The following SEPTIN10 variants were observed in gnomAD, a reference collection of about 807,000 sequenced individuals.
SEPTIN10 encodes the protein septin 10.
A neutral mutation model predicts 54.8 loss-of-function variants in SEPTIN10; 66 were observed. That is an observed-to-expected ratio of 1.21 (90% CI 0.99 to 1.48). The LOEUF (loss-of-function observed/expected upper bound fraction) is 1.48. Among genes scored for constraint, SEPTIN10 ranks in the 40% most tolerant of loss-of-function variants. The probability of loss-of-function intolerance (pLI) is 0.00; values close to 1 mark genes in which losing one functional copy is unlikely to be tolerated. For missense variants in SEPTIN10, 620 were observed against 545.6 expected (o/e 1.14, Z -1.36); for synonymous variants, 161 against 181.0 (o/e 0.89, Z 0.89).
rs1400941515 is a variant in SEPTIN10, at chr2:109,599,185, C to T, written c.31-6066G>A. ...AAAGAACTCAAGTGGAGGCCGGGCGCGGTGGCTCACACCTGTAACCCCAGC... is the reference window on the plus strand; with the variant it reads ...AAAGAACTCAAGTGGAGGCCGGGCGTGGTGGCTCACACCTGTAACCCCAGC... On this transcript the variant is annotated intron_variant, in intron 1 of 10. Coordinates refer to ENST00000397712, the MANE Select transcript of SEPTIN10 (RefSeq NM_144710.5). 5.9e-5 allele frequency among the ~76,000 whole-genome samples: 9 copies of T among 152,030 alleles called. No homozygotes were observed. In the South Asian group the frequency reaches 1.9e-3, roughly 32 times the overall value.
chr2:109,606,922 G>C (rs750595536), intron 1 of SEPTIN10, among the ~76,000 whole-genome samples: 2 of 151,988 alleles, frequency 1.3e-5, no homozygotes, highest in African/African-American at 2.4e-5. Context: ...AAAGTGCTGG[G>C]ATTACAGGCA....
chr2:109,593,284 C>CCAG (rs774076665), intron 1 of SEPTIN10, among the ~76,000 whole-genome samples, 165 bp from the exon 2 acceptor site: 11 of 152,104 alleles, frequency 7.2e-5, no homozygotes, highest in Non-Finnish European at 1.6e-4. Flanking sequence ...TTGTGGCTTT[C>CCAG]TTGCTGGATA....
rs777911857 is a variant in SEPTIN10 at position 109,564,549 on chromosome 2, A to G, written c.860-15T>C. ...TTCATTTTCCACTAGCCAAAAAAAAATAAGAAAAGAACAACACTGGATTTT... is the reference window on the plus strand; with the variant it reads ...TTCATTTTCCACTAGCCAAAAAAAAGTAAGAAAAGAACAACACTGGATTTT... On this transcript the variant is annotated splice_polypyrimidine_tract_variant and intron_variant, in intron 7 of 10. Coordinates refer to ENST00000397712, the MANE Select transcript of SEPTIN10 (RefSeq NM_144710.5). 5 of 1,479,088 alleles carry G rather than the reference A, an allele frequency of 3.4e-6. No homozygotes were observed. The highest frequency in any genetic ancestry group is 3.0e-5 in the South Asian group (2 of 66,284). The allele number at this position is 1,479,088 out of a possible 1,614,324, so 91.6% of individuals were successfully genotyped here.
intron 1 of SEPTIN10, among the ~76,000 whole-genome samples, chr2:109,612,800 GAA>G (rs1221073087): frequency 2.6e-5 from 4 of 152,254 alleles, no homozygotes; most frequent in Middle Eastern, 3.4e-3. Context: ...GCGATAGAAT[GAA>G]AAGAGACCTG....
At chr2:109,573,874 C>G (rs1249590480) in intron 5 of SEPTIN10, among the ~76,000 whole-genome samples, 1 of 152,026 alleles carries the variant, frequency 6.6e-6, no homozygotes, top group Non-Finnish European at 1.5e-5. Context: ...TCAGTATGGT[C>G]CAAATTAAAA....
Position 109,544,301 on chromosome 2 carries a change from CTTCTG to C in SEPTIN10, c.*3_*7del, listed in dbSNP as rs1162546546. The C allele has an allele frequency of 2.5e-6, 4 of 1,595,146 alleles. No homozygotes were observed. Among genetic ancestry groups the C allele is most frequent in the Non-Finnish European group, 3.4e-6 (4 of 1,174,992 alleles). The stretch of plus-strand genomic sequence containing the variant: ...GATGATGACCTTCTGTGCTCTGGAA[CTTCTG>C]TTTTACAAAAAATTGGAGCTGGAAA... On this transcript the variant is annotated 3_prime_UTR_variant, in exon 11 of 11. Transcript: ENST00000397712.
intron 1 of SEPTIN10, among the ~76,000 whole-genome samples, chr2:109,601,638 T>C (rs995696545): frequency 5.9e-5 from 9 of 152,188 alleles, no homozygotes; most frequent in African/African-American, 2.2e-4. Flanking sequence ...GTCATGTGTA[T>C]CATAAATATC....
chr2:109,547,368 T>TG, intron 9 of SEPTIN10, among the ~76,000 whole-genome samples: 1 of 138,120 alleles, frequency 7.2e-6, no homozygotes, highest in East Asian at 2.1e-4. Flanking sequence ...CTAATAAACT[T>TG]GTTTTTTTTT....
rs781621559 is a variant in SEPTIN10, at chr2:109,574,736, G to A, written c.445C>T (p.Gln149Ter). 1 of 1,598,650 alleles carries A rather than the reference G, an allele frequency of 6.3e-7. No homozygotes were observed. Among genetic ancestry groups the A allele is most frequent in the Admixed American group, 1.7e-5 (1 of 57,320 alleles). Residue 149 changes from glutamine to a stop codon, truncating the protein, a stop_gained, in exon 5 of 11, where the codon CAG becomes TAG. Coordinates refer to ENST00000397712, the MANE Select transcript of SEPTIN10 (RefSeq NM_144710.5). LOFTEE classifies it high-confidence loss of function. The part of the protein sequence containing the change: ...YQPIVDYIDA[Q>*]FEAYLQEELK... ...TCTTCTTGGAGATAGGCCTCAAACT[G>A]AGCATCTATGTAGTCAACTATTGGT...
chr2:109,575,320 C>CA (rs1160790565), intron 4 of SEPTIN10, among the ~76,000 whole-genome samples: 2 of 152,192 alleles, frequency 1.3e-5, no homozygotes, highest in African/African-American at 4.8e-5. Flanking sequence ...ACATTTAAGT[C>CA]AAAGTCCATG....
rs1687422178 is a variant in SEPTIN10 at position 109,567,908 on chromosome 2, G to C, written c.669C>G (p.Ile223Met). 1 of 1,613,834 alleles carries C rather than the reference G, an allele frequency of 6.2e-7. No individual in the cohort carries two copies. The highest frequency in any genetic ancestry group is 8.5e-7 in the Non-Finnish European group (1 of 1,179,926). Residue 223 changes from isoleucine to methionine, a missense_variant, in exon 6 of 11, where the codon ATC becomes ATG. Ile to Met is a conservative substitution (Grantham distance 10). Transcript: ENST00000397712. Reference sequence around the variant, plus strand: ...TGCTGACCAATTCACTCATGAGCTTGATCTTAAACTTCTGTAATTCAGTTT... The same window carrying C: ...TGCTGACCAATTCACTCATGAGCTTCATCTTAAACTTCTGTAATTCAGTTT... ...VSKTELQKFK[I>M]KLMSELVSNG...
In SEPTIN10 at chr2:109,574,689, G is replaced by C; in HGVS notation, c.492C>G (p.Leu164=). 1.9e-6 allele frequency: 3 copies of C among 1,610,288 alleles called. No homozygotes were observed. Among genetic ancestry groups the C allele is most frequent in the Non-Finnish European group, 2.5e-6 (3 of 1,178,254 alleles). ...GGATGCGAGAATCATGGTAGGTAAAGAGAGAACGCTTAATCTTCAGTTCTT... is the reference window on the plus strand; with the variant it reads ...GGATGCGAGAATCATGGTAGGTAAACAGAGAACGCTTAATCTTCAGTTCTT... ...LQEELKIKRS[L]FTYHDSRIHV... is the part of the protein sequence containing the mutation. Residue 164 remains leucine (L), a synonymous_variant, in exon 5 of 11, where the codon CTC becomes CTG. Transcript: ENST00000397712.
intron 5 of SEPTIN10, among the ~76,000 whole-genome samples, chr2:109,570,410 A>C: frequency 6.6e-6 from 1 of 152,230 alleles, no homozygotes; most frequent in South Asian, 2.1e-4. Flanking sequence ...GATTCAACCA[A>C]CTGAGGATCA....
In SEPTIN10 at chr2:109,585,764, G is replaced by C; in HGVS notation, c.174C>G (p.Asn58Lys). The change falls in exon 3 of 11, where the codon AAC (asparagine) becomes AAG (lysine). Residue 58 changes from asparagine (N) to lysine (K), a missense_variant. Asn to Lys is a moderately conservative substitution (Grantham distance 94, BLOSUM62 0). Transcript: ENST00000397712. Reference protein sequence around the residue: ...GFESLPDQLVNRSIQQGFCFN... With the variant: ...GFESLPDQLVKRSIQQGFCFN... ...AGCAGAAACCTTGCTGAATGGATCT[G>C]TTCACCAGCTGATCAGGCAAACTCT... 2 of 1,613,550 alleles carry C rather than the reference G, an allele frequency of 1.2e-6. No homozygotes were observed. Among genetic ancestry groups the C allele is most frequent in the Non-Finnish European group, 1.7e-6 (2 of 1,179,812 alleles).
chr2:109,611,041 T>C (rs1699152474), intron 1 of SEPTIN10, among the ~76,000 whole-genome samples: 1 of 152,164 alleles, frequency 6.6e-6, no homozygotes, highest in South Asian at 2.1e-4. Flanking sequence ...CACACAAATA[T>C]GCTCAACTGA....
At chr2:109,587,034 G>T (rs192750360) in intron 2 of SEPTIN10, among the ~76,000 whole-genome samples, 1 of 152,238 alleles carries the variant, frequency 6.6e-6, no homozygotes, top group African/African-American at 2.4e-5. Context: ...AGTCAAGAAA[G>T]AAAGTCAACA....
chr2:109,577,507 G>A (rs1006281655), intron 4 of SEPTIN10, among the ~76,000 whole-genome samples: 1 of 151,712 alleles, frequency 6.6e-6, no homozygotes, highest in African/African-American at 2.4e-5. Flanking sequence ...CAGGAGAACT[G>A]CTGGAGTGCA....
intron 1 of SEPTIN10, among the ~76,000 whole-genome samples, chr2:109,608,633 C>T (rs1005778893): frequency 6.6e-6 from 1 of 152,154 alleles, no homozygotes; most frequent in Non-Finnish European, 1.5e-5. Flanking sequence ...AGTATAAGTG[C>T]TATATCCCAA....
At chr2:109,572,333 C>T (rs1431942301) in intron 5 of SEPTIN10, among the ~76,000 whole-genome samples, 4 of 152,282 alleles carry the variant, frequency 2.6e-5, no homozygotes, top group Non-Finnish European at 5.9e-5. Flanking sequence ...CGGGGTTTCA[C>T]CGTGTTAGCC....
Sources: allele counts gnomAD v4.1 joint callset (sites outside exome capture counted in the v4.1 genomes callset), GRCh38; gene constraint gnomAD v4.1.1; transcripts MANE v1.5; gene names NCBI Gene and HGNC (gene_info 2026-07-23, HGNC 2026-07-21).